MTHFS: variants seen among roughly 807,000 people sequenced by gnomAD.
MTHFS encodes the protein methenyltetrahydrofolate synthetase.
A neutral mutation model predicts 12.7 loss-of-function variants in MTHFS; 7 were observed. That is an observed-to-expected ratio of 0.55 (90% CI 0.31 to 1.03). The LOEUF is 1.03. Among genes scored for constraint, MTHFS ranks in the 50% least tolerant of loss-of-function variants. The probability of loss-of-function intolerance (pLI) is 0.05; values close to 1 mark genes in which losing one functional copy is unlikely to be tolerated. For synonymous variants in MTHFS, 100 were observed against 97.1 expected (o/e 1.03, Z -0.18); for missense variants, 252 against 258.1 (o/e 0.98, Z 0.16).
intron 2 of MTHFS, among the ~76,000 whole-genome samples, chr15:79,868,751 G>A (rs562653571): frequency 5.9e-5 from 9 of 152,290 alleles, no homozygotes; most frequent in South Asian, 4.1e-4. Flanking sequence ...TCAGTCCTTC[G>A]GACTTTGAGT....
intron 1 of MTHFS, 44 bp downstream of exon 1, chr15:79,896,828 G>C (rs2141384980): frequency 6.5e-7 from 1 of 1,537,590 alleles, no homozygotes; most frequent in African/African-American, 1.4e-5. Flanking sequence ...CCAGGCCTTC[G>C]GAGGGTCTGT....
rs1284128246 is a variant in MTHFS, at chr15:79,844,491, C to T, written c.*719G>A. On this transcript the variant is annotated 3_prime_UTR_variant, in exon 3 of 3. Coordinates refer to ENST00000258874, the MANE Select transcript of MTHFS (RefSeq NM_006441.4). ...AAATTATTGCTCCCTAGCTGTGTTGCCATCTGCCAACTTTCAACTCACAGC... is the reference window on the plus strand; with the variant it reads ...AAATTATTGCTCCCTAGCTGTGTTGTCATCTGCCAACTTTCAACTCACAGC... Among the ~76,000 whole-genome samples the T allele has an allele frequency of 2.6e-5, 4 of 152,096 alleles. No homozygotes were observed. Among genetic ancestry groups the T allele is most frequent in the Non-Finnish European group, 5.9e-5 (4 of 68,026 alleles).
intron 1 of MTHFS, among the ~76,000 whole-genome samples, chr15:79,890,279 G>A (rs1031602520): frequency 3.9e-4 from 53 of 136,896 alleles, no homozygotes; most frequent in African/African-American, 1.4e-3. Flanking sequence ...GTGCAGTGGT[G>A]CAATCTGCAA....
chr15:79,886,968 C>T (rs114873659), intron 2 of MTHFS, among the ~76,000 whole-genome samples: 3,455 of 152,238 alleles, frequency 0.023, 121 homozygotes, highest in African/African-American at 0.078. Context: ...AGGCCGGGCA[C>T]GGTGGCCTGT....
intron 2 of MTHFS, among the ~76,000 whole-genome samples, chr15:79,874,718 G>A (rs190058648): frequency 8.5e-5 from 13 of 152,224 alleles, no homozygotes; most frequent in African/African-American, 2.4e-4. Flanking sequence ...GAAAAGCTCC[G>A]ACATATTCCA....
chr15:79,859,762 G>A (rs2033877303), intron 2 of MTHFS, among the ~76,000 whole-genome samples: 1 of 143,280 alleles, frequency 7.0e-6, no homozygotes, highest in Non-Finnish European at 1.5e-5. Context: ...AGGTTGCAGT[G>A]AGCCAAGATT....
At chr15:79,896,759 G>A (rs535046420) in intron 1 of MTHFS, 113 bp downstream of exon 1, 62 of 1,449,548 alleles carry the variant, frequency 4.3e-5, no homozygotes, top group Admixed American at 1.2e-4. Context: ...GCCGGGGGGT[G>A]GGGGGGCGCC....
At chr15:79,863,717 C>G (rs2033956574) in intron 2 of MTHFS, among the ~76,000 whole-genome samples, 1 of 152,196 alleles carries the variant, frequency 6.6e-6, no homozygotes, top group African/African-American at 2.4e-5. Context: ...CTCCTGCTGA[C>G]TACAATTCAG....
At chr15:79,873,881 G>C (rs1461193092) in intron 2 of MTHFS, among the ~76,000 whole-genome samples, 1 of 152,216 alleles carries the variant, frequency 6.6e-6, no homozygotes, top group African/African-American at 2.4e-5. Context: ...TAATGGGAAT[G>C]TAATGTGGCT....
chr15:79,884,013 C>A (rs2034340943), intron 2 of MTHFS, among the ~76,000 whole-genome samples: 1 of 152,190 alleles, frequency 6.6e-6, no homozygotes, highest in Admixed American at 6.5e-5. Flanking sequence ...GCCACAGCAG[C>A]AACAATGGCA....
At chr15:79,856,923 G>A (rs569175816) in intron 2 of MTHFS, among the ~76,000 whole-genome samples, 4 of 151,386 alleles carry the variant, frequency 2.6e-5, no homozygotes, top group African/African-American at 9.7e-5. Flanking sequence ...AATTTCTTCA[G>A]ATACAGAAAT....
chr15:79,874,984 G>A, intron 2 of MTHFS, among the ~76,000 whole-genome samples: 1 of 151,876 alleles, frequency 6.6e-6, no homozygotes, highest in Admixed American at 6.6e-5. Flanking sequence ...ATCATCACAG[G>A]GTCCTGAGGC....
intron 2 of MTHFS, among the ~76,000 whole-genome samples, chr15:79,855,219 A>G (rs1474127053): frequency 6.6e-6 from 1 of 152,232 alleles, no homozygotes; most frequent in African/African-American, 2.4e-5. Flanking sequence ...CTATCTTAGC[A>G]GATACTGACA....
intron 1 of MTHFS, among the ~76,000 whole-genome samples, chr15:79,892,644 T>G (rs2034493359): frequency 6.6e-6 from 1 of 152,140 alleles, no homozygotes; most frequent in South Asian, 2.1e-4. Flanking sequence ...GATTCTACAA[T>G]GAATACCATC....
intron 2 of MTHFS, among the ~76,000 whole-genome samples, chr15:79,848,672 C>A (rs935031166): frequency 1.3e-5 from 2 of 152,138 alleles, no homozygotes; most frequent in Non-Finnish European, 2.9e-5. Flanking sequence ...GATAAGAAAA[C>A]AACGTTCTCA....
chr15:79,881,851 C>A (rs949074479), intron 2 of MTHFS, among the ~76,000 whole-genome samples: 1 of 152,240 alleles, frequency 6.6e-6, no homozygotes, highest in African/African-American at 2.4e-5. Context: ...TTATCATTAA[C>A]TGCCTGTGTG....
chr15:79,845,511 TG>T, intron 2 of MTHFS, 69 bp from the exon 3 acceptor site: 1 of 1,540,568 alleles, frequency 6.5e-7, no homozygotes, highest in Admixed American at 2.0e-5. Context: ...ATGTGTTTTT[TG>T]TTTTGTAATG....
At chr15:79,873,932 C>G (rs568917289) in intron 2 of MTHFS, among the ~76,000 whole-genome samples, 3 of 152,334 alleles carry the variant, frequency 2.0e-5, no homozygotes, top group African/African-American at 7.2e-5. Context: ...GAGATAAACT[C>G]TTCCTACATA....
chr15:79,846,995 G>A (rs754856005), intron 2 of MTHFS, among the ~76,000 whole-genome samples: 1 of 152,166 alleles, frequency 6.6e-6, no homozygotes, highest in Admixed American at 6.5e-5. Context: ...AAATATAACC[G>A]CATGTAATTT....
Sources: gnomAD v4.1 joint callset for allele counts (sites outside exome capture counted in the v4.1 genomes callset) on GRCh38, gnomAD v4.1.1 for gene constraint, MANE v1.5 for transcripts, NCBI Gene and HGNC (gene_info 2026-07-23, HGNC 2026-07-21) for gene names.